The following TG variants were observed in gnomAD, a reference collection of about 807,000 sequenced individuals.
TG encodes thyroglobulin, also known as thyroid hormones.
A neutral mutation model predicts 324.7 loss-of-function variants in TG; 270 were observed. The observed-to-expected ratio is 0.83, with a 90% confidence interval of 0.75 to 0.92. The LOEUF (loss-of-function observed/expected upper bound fraction) is 0.92. Ranked by LOEUF, TG falls within the 40% of genes least tolerant of loss-of-function variation. The pLI, the probability that TG is intolerant of heterozygous loss-of-function variation, is 0.00. For synonymous variants in TG, 1,401 were observed against 1,327.0 expected (o/e 1.06, Z -1.21); for missense variants, 3,591 against 3,456.4 (o/e 1.04, Z -0.98).
At chr8:132,999,184 G>C (rs1355890251) in intron 35 of TG, among the ~76,000 whole-genome samples, 1 of 152,140 alleles carries the variant, frequency 6.6e-6, no homozygotes, top group Non-Finnish European at 1.5e-5. Context: ...TCAGAGAGAA[G>C]GACGAGCAGG....
chr8:133,037,335 T>G (rs971394868), intron 41 of TG: 2 of 152,232 alleles, frequency 1.3e-5, no homozygotes, highest in African/African-American at 4.8e-5. Flanking sequence ...CTCCCCATCT[T>G]TCCTGGAGCT....
At chr8:132,957,005 G>A (rs546186722) in intron 27 of TG, among the ~76,000 whole-genome samples, 1 of 152,294 alleles carries the variant, frequency 6.6e-6, no homozygotes, top group South Asian at 2.1e-4. Flanking sequence ...AGGAGGAAGT[G>A]AGTTTGGGTG....
At chr8:132,916,343 A>C (rs760865154) in intron 20 of TG, among the ~76,000 whole-genome samples, 1 of 152,066 alleles carries the variant, frequency 6.6e-6, no homozygotes, top group Non-Finnish European at 1.5e-5. Context: ...TCTAAATCCA[A>C]CTCTGTCTGC....
At chr8:133,013,167 G>A (rs1267829722) in intron 36 of TG, among the ~76,000 whole-genome samples, 2 of 152,244 alleles carry the variant, frequency 1.3e-5, no homozygotes, top group Non-Finnish European at 2.9e-5. Flanking sequence ...AAAGTAGATT[G>A]ATCAGAGGGT....
intron 35 of TG, among the ~76,000 whole-genome samples, chr8:132,992,625 G>A (rs1335051898): frequency 2.6e-5 from 4 of 152,156 alleles, no homozygotes; most frequent in Non-Finnish European, 4.4e-5. Context: ...GTGCTGTGGG[G>A]TCTCTCAGAC....
At chr8:132,913,864 C>T (rs955122084) in intron 20 of TG, among the ~76,000 whole-genome samples, 2 of 152,152 alleles carry the variant, frequency 1.3e-5, no homozygotes, top group Non-Finnish European at 2.9e-5. Flanking sequence ...GATTACAATG[C>T]GGGCATCACT....
chr8:133,062,902 G>A (rs185902802), intron 41 of TG, among the ~76,000 whole-genome samples: 2 of 151,936 alleles, frequency 1.3e-5, no homozygotes, highest in African/African-American at 4.8e-5. Flanking sequence ...GCTCTGCTAC[G>A]CACAGGCCTT....
intron 32 of TG, 128 bp downstream of exon 32, chr8:132,969,697 G>C: frequency 1.4e-6 from 1 of 725,932 alleles, no homozygotes; most frequent in Non-Finnish European, 2.5e-6. Flanking sequence ...CTGATCACGA[G>C]GTCAAGAGAT....
chr8:132,910,890 CGTCT>C (rs1488110913), intron 18 of TG, among the ~76,000 whole-genome samples: 1 of 152,164 alleles, frequency 6.6e-6, no homozygotes, highest in Non-Finnish European at 1.5e-5. Flanking sequence ...GCCTCACAAC[CGTCT>C]GTCTTTCTCC....
In TG at chr8:132,873,309, T is replaced by C. The variant is rs180210; in HGVS notation, c.638+88T>C. Reference sequence around the variant, plus strand: ...GAGCTGGGGGCCTCCATGTGTCATATGTGCAGCATGATAAGGAATTAAGAG... The same window carrying C: ...GAGCTGGGGGCCTCCATGTGTCATACGTGCAGCATGATAAGGAATTAAGAG... On this transcript the variant is annotated intron_variant, in intron 5 of 47. Transcript: ENST00000220616. 860,176 of 1,509,590 alleles carry C rather than the reference T, an allele frequency of 0.57. 246,888 individuals carry two copies. The highest frequency in any genetic ancestry group is 0.71 in the East Asian group (30,237 of 42,716). 93.5% of individuals were successfully genotyped at this position (1,509,590 alleles called of 1,614,324 possible).
At chr8:132,909,939 G>C (rs1819268829) in intron 18 of TG, among the ~76,000 whole-genome samples, 2 of 152,182 alleles carry the variant, frequency 1.3e-5, no homozygotes. Flanking sequence ...GTGGGGTAAT[G>C]AGAGTCCCAA....
chr8:132,928,168 G>A (rs1822158923), intron 22 of TG, among the ~76,000 whole-genome samples: 1 of 152,060 alleles, frequency 6.6e-6, no homozygotes, highest in Admixed American at 6.5e-5. Context: ...AAATCACTTT[G>A]GATGGCCTTG....
intron 2 of TG, 106 bp from the exon 3 acceptor site, chr8:132,869,623 A>G (rs1347345654): frequency 1.9e-6 from 2 of 1,044,562 alleles, no homozygotes; most frequent in African/African-American, 3.1e-5. Flanking sequence ...TAAACGAACC[A>G]AAACTTGCAA....
chr8:133,105,349 C>T (rs538743241), intron 43 of TG, among the ~76,000 whole-genome samples: 20 of 152,170 alleles, frequency 1.3e-4, no homozygotes, highest in African/African-American at 4.1e-4. Flanking sequence ...AGGGGTGGAC[C>T]GGAGGTGGGG....
intron 26 of TG, among the ~76,000 whole-genome samples, chr8:132,947,890 A>G (rs1825551335): frequency 6.6e-6 from 1 of 152,262 alleles, no homozygotes; most frequent in South Asian, 2.1e-4. Context: ...ACTTGAATGT[A>G]TCCAGCTAAA....
chr8:132,941,745 C>A (rs549922977), intron 26 of TG, among the ~76,000 whole-genome samples: 1 of 152,226 alleles, frequency 6.6e-6, no homozygotes, highest in Non-Finnish European at 1.5e-5. Context: ...GGCCCCTTCA[C>A]CTTGTAATAC....
intron 35 of TG, among the ~76,000 whole-genome samples, chr8:132,984,066 T>G (rs539625197): frequency 2.4e-4 from 36 of 152,348 alleles, no homozygotes; most frequent in African/African-American, 8.7e-4. Flanking sequence ...CAGGACAGCA[T>G]GGGCCTCACT....
At chr8:133,054,509 G>T (rs1475384066) in intron 41 of TG, among the ~76,000 whole-genome samples, 1 of 152,190 alleles carries the variant, frequency 6.6e-6, no homozygotes, top group Non-Finnish European at 1.5e-5. Flanking sequence ...ATAGGATTGA[G>T]TGAAGGATTC....
intron 20 of TG, 76 bp downstream of exon 20, chr8:132,913,341 A>G: frequency 2.1e-6 from 3 of 1,456,306 alleles, no homozygotes; most frequent in East Asian, 2.3e-5. Context: ...AGCACTGGAG[A>G]GAGGCTACTC....
Sources: allele counts gnomAD v4.1 joint callset (sites outside exome capture counted in the v4.1 genomes callset), GRCh38; gene constraint gnomAD v4.1.1; transcripts MANE v1.5; gene names NCBI Gene and HGNC (gene_info 2026-07-23, HGNC 2026-07-21).